The following PRKAA2 variants were observed in gnomAD, a reference collection of about 807,000 sequenced individuals.
The protein encoded by PRKAA2 is protein kinase AMP-activated catalytic subunit alpha 2.
PRKAA2 carries 40 observed loss-of-function variants against 56.3 expected under a neutral mutation model. The observed-to-expected ratio is 0.71, with a 90% confidence interval of 0.55 to 0.92. PRKAA2 has a LOEUF of 0.92. Among genes scored for constraint, PRKAA2 ranks in the 40% least tolerant of loss-of-function variants. PRKAA2 has a pLI of 0.00. For missense variants in PRKAA2, 542 were observed against 686.9 expected (o/e 0.79, Z 2.36); for synonymous variants, 214 against 234.2 (o/e 0.91, Z 0.79).
Position 56,711,872 on chromosome 1 carries a change from T to G in PRKAA2, c.*4159T>G, listed in dbSNP as rs1372010130. The stretch of plus-strand genomic sequence containing the variant: ...TATATATTTAGAGTTTTTATATGAG[T>G]GTGAATGTTTCTGTTTTGATTTGGT... On this transcript the variant is annotated 3_prime_UTR_variant, in exon 9 of 9. Transcript: ENST00000371244. 2 of 152,166 alleles carry G rather than the reference T, an allele frequency of 1.3e-5. No individual in the cohort carries two copies. The highest frequency in any genetic ancestry group is 4.8e-5 in the African/African-American group (2 of 41,444). The allele number at this position is 152,166 out of a possible 1,614,324, so 9.4% of individuals were successfully genotyped here.
intron 1 of PRKAA2, among the ~76,000 whole-genome samples, chr1:56,664,174 A>G (rs2796523): frequency 0.56 from 85,842 of 152,038 alleles, 24,798 homozygotes; most frequent in East Asian, 0.83. Context: ...TCTTTGAGTC[A>G]TTGTTCCCAT....
intron 6 of PRKAA2, among the ~76,000 whole-genome samples, chr1:56,697,007 A>G (rs189351770): frequency 8.5e-3 from 162 of 19,110 alleles, no homozygotes; most frequent in Non-Finnish European, 0.015. Context: ...ATTAGCCAGC[A>G]AAGAATTTTT....
At position 56,707,787 on chromosome 1, in the gene PRKAA2, G is replaced by T; in HGVS notation, c.*74G>T. 7.5e-7 allele frequency: 1 copy of T among 1,330,632 alleles called. No homozygotes were observed. Among genetic ancestry groups the T allele is most frequent in the Non-Finnish European group, 1.1e-6 (1 of 951,764 alleles). The allele number at this position is 1,330,632 out of a possible 1,614,324, so 82.4% of individuals were successfully genotyped here. ...TCTTTAAATTTTTATCTTACTTTTG[G>T]ATAATATCCACTGCAATACTAATTG... On this transcript the variant is annotated 3_prime_UTR_variant, in exon 9 of 9. Transcript: ENST00000371244.
intron 1 of PRKAA2, among the ~76,000 whole-genome samples, chr1:56,665,890 G>A (rs553730658): frequency 7.2e-4 from 109 of 151,982 alleles, no homozygotes; most frequent in African/African-American, 2.5e-3. Flanking sequence ...TGTAATGCCC[G>A]GACCTTGACT....
intron 1 of PRKAA2, among the ~76,000 whole-genome samples, chr1:56,663,550 C>A (rs1269058478): frequency 6.6e-6 from 1 of 152,152 alleles, no homozygotes; most frequent in African/African-American, 2.4e-5. Context: ...ATTGAAGCTA[C>A]CTATTTAAAA....
intron 1 of PRKAA2, among the ~76,000 whole-genome samples, chr1:56,652,228 G>A (rs1643906500): frequency 6.6e-6 from 1 of 151,994 alleles, no homozygotes; most frequent in Non-Finnish European, 1.5e-5. Flanking sequence ...GGCCAGGATG[G>A]TCTCGATCTC....
chr1:56,710,205 T>C lies in PRKAA2; in HGVS notation c.*2492T>C, dbSNP rs753202627. ...AGACACGGGAGAAGAGCTTCTATTA[T>C]GAGGTTATAGATAAGGCCTTAGTTA... On this transcript the variant is annotated 3_prime_UTR_variant, in exon 9 of 9. Coordinates refer to ENST00000371244, the MANE Select transcript of PRKAA2 (RefSeq NM_006252.4). 4 of 152,112 alleles carry C rather than the reference T, an allele frequency of 2.6e-5. No homozygotes were observed. The highest frequency in any genetic ancestry group is 5.9e-5 in the Non-Finnish European group (4 of 67,994). 9.4% of individuals were successfully genotyped at this position (152,112 alleles called of 1,614,324 possible).
intron 1 of PRKAA2, among the ~76,000 whole-genome samples, chr1:56,664,745 G>A (rs1451399098): frequency 6.6e-6 from 1 of 151,958 alleles, no homozygotes; most frequent in Non-Finnish European, 1.5e-5. Context: ...AACTCTGCGA[G>A]CCTGGGTTTT....
In PRKAA2 at chr1:56,679,441, G is replaced by A. The variant is rs1557552553; in HGVS notation, c.236+4919G>A. ...AAATTTACTTCTCTGTTTTTGGAGG[G>A]TGTGGTGGGAGAGTGGAGGGAGGTA... On this transcript the variant is annotated intron_variant, in intron 2 of 8. Coordinates refer to ENST00000371244, the MANE Select transcript of PRKAA2 (RefSeq NM_006252.4). Among the ~76,000 whole-genome samples, 2 of 152,252 alleles carry A rather than the reference G, an allele frequency of 1.3e-5. 1 individual carries two copies. The highest frequency in any genetic ancestry group is 2.9e-5 in the Non-Finnish European group (2 of 68,018).
chr1:56,706,197 T>C lies in PRKAA2; in HGVS notation c.1399T>C (p.Leu467=), dbSNP rs17848599. The change falls in exon 8 of 9, where the codon TTG becomes CTG. Residue 467 remains leucine (L), a synonymous_variant. Coordinates refer to ENST00000371244, the MANE Select transcript of PRKAA2 (RefSeq NM_006252.4). The part of the protein sequence containing the change: ...LYLVDNRSYL[L]DFKSIDDEVV... Reference sequence around the variant, plus strand: ...CCTGGTTGATAACAGGAGCTATCTTTTGGACTTTAAAAGCATTGATGGTAA... The same window carrying C: ...CCTGGTTGATAACAGGAGCTATCTTCTGGACTTTAAAAGCATTGATGGTAA... 1,503 of 1,613,648 alleles carry C rather than the reference T, an allele frequency of 9.3e-4. 21 individuals carry two copies. In the East Asian group the frequency reaches 0.031, roughly 33 times the overall value.
intron 1 of PRKAA2, among the ~76,000 whole-genome samples, chr1:56,672,490 A>AG (rs1644084532): frequency 6.6e-6 from 1 of 152,106 alleles, no homozygotes; most frequent in South Asian, 2.1e-4. Flanking sequence ...AATTTAAAGG[A>AG]GGGACAGAGG....
intron 1 of PRKAA2, among the ~76,000 whole-genome samples, chr1:56,671,249 C>T (rs765909538): frequency 2.0e-5 from 3 of 152,098 alleles, no homozygotes; most frequent in South Asian, 2.1e-4. Context: ...CCAATTATGA[C>T]GTTATTAGGC....
In PRKAA2 at chr1:56,710,130, ACTCTGAATGTGATAGG is replaced by A; in HGVS notation, c.*2418_*2433del. 6.6e-6 allele frequency: 1 copy of A among 151,860 alleles called. No individual in the cohort carries two copies. The highest frequency in any genetic ancestry group is 1.5e-5 in the Non-Finnish European group (1 of 67,924). 9.4% of individuals were successfully genotyped at this position (151,860 alleles called of 1,614,324 possible). Reference sequence around the variant, plus strand: ...AAATTTCCACATTTCAGTGTTGTAAACTCTGAATGTGATAGGTAGATGTGGGCTAAGAATAATTTCC... The same window carrying A: ...AAATTTCCACATTTCAGTGTTGTAAATAGATGTGGGCTAAGAATAATTTCC... On this transcript the variant is annotated 3_prime_UTR_variant, in exon 9 of 9. Coordinates refer to ENST00000371244, the MANE Select transcript of PRKAA2 (RefSeq NM_006252.4).
intron 2 of PRKAA2, among the ~76,000 whole-genome samples, chr1:56,687,534 T>C (rs562079567): frequency 3.5e-4 from 53 of 152,226 alleles, no homozygotes; most frequent in Admixed American, 3.3e-3. Context: ...CGGATCCCTA[T>C]ATTAATTAGT....
intron 2 of PRKAA2, among the ~76,000 whole-genome samples, chr1:56,689,897 GACACAC>G (rs3034077): frequency 0.43 from 63,772 of 146,900 alleles, 13,649 homozygotes; most frequent in Middle Eastern, 0.56. Flanking sequence ...CAGACACACA[GACACAC>G]ACACACACAC....
At chr1:56,705,977 A>G (rs1569799663) in intron 7 of PRKAA2, 115 bp from the exon 8 acceptor site, 23 of 894,568 alleles carry the variant, frequency 2.6e-5, no homozygotes, top group South Asian at 2.4e-4. Context: ...GTAATATAAA[A>G]AAATTATTCG....
chr1:56,694,463 T>TA (rs1644246432), intron 5 of PRKAA2, among the ~76,000 whole-genome samples: 1 of 152,178 alleles, frequency 6.6e-6, no homozygotes, highest in African/African-American at 2.4e-5. Context: ...AAATAGCAGA[T>TA]AAAGAATTAT....
At chr1:56,675,001 G>A (rs1281321876) in intron 2 of PRKAA2, among the ~76,000 whole-genome samples, 1 of 151,984 alleles carries the variant, frequency 6.6e-6, no homozygotes, top group Non-Finnish European at 1.5e-5. Context: ...ACTGAAAGTA[G>A]TACTATAACC....
At position 56,712,406 on chromosome 1, in the gene PRKAA2, C is replaced by T. The variant is rs558689358; in HGVS notation, c.*4693C>T. 2.0e-5 allele frequency: 3 copies of T among 152,204 alleles called. No homozygotes were observed. The highest frequency in any genetic ancestry group is 2.1e-4 in the South Asian group (1 of 4,824). The allele number at this position is 152,204 out of a possible 1,614,324, so 9.4% of individuals were successfully genotyped here. A position where few individuals can be genotyped will look rare whatever the true frequency, so the allele number is the denominator to read the frequency against. On this transcript the variant is annotated 3_prime_UTR_variant, in exon 9 of 9. Coordinates refer to ENST00000371244, the MANE Select transcript of PRKAA2 (RefSeq NM_006252.4). ...TATTTTAAGCAGTTGATTGTACTAA[C>T]GAGATGTAATTATCTGAAGTATTTA...
Sources: allele counts gnomAD v4.1 joint callset (sites outside exome capture counted in the v4.1 genomes callset), GRCh38; gene constraint gnomAD v4.1.1; transcripts MANE v1.5; gene names NCBI Gene and HGNC (gene_info 2026-07-23, HGNC 2026-07-21).